LRRC53: variants seen among roughly 807,000 people sequenced by gnomAD.
LRRC53 encodes the protein leucine-rich repeat-containing protein 53.
LRRC53 carries 25 observed loss-of-function variants against 13.6 expected under a neutral mutation model. The observed-to-expected ratio is 1.83, with a 90% CI of 1.34 to 2.56. The LOEUF is 2.56. LRRC53 is among the 30% of genes most tolerant of loss of function. The pLI is 0.00. For missense variants in LRRC53, 527 were observed against 275.8 expected, an observed-to-expected ratio of 1.91 and a Z score of -6.45; for synonymous variants, 204 against 109.8, an observed-to-expected ratio of 1.86 and a Z score of -5.37.
At chr1:74,496,650 A>T (rs1001289744) in intron 1 of LRRC53, among the ~76,000 whole-genome samples, 9 of 152,086 alleles carry the variant, frequency 5.9e-5, no homozygotes, top group African/African-American at 1.9e-4. Context: ...GAGGTGCAAA[A>T]TTGTGTCAGA....
At chr1:74,518,887 T>C in the LRRC53 span, among the ~76,000 whole-genome samples, 1 of 119,228 alleles carries the variant, frequency 8.4e-6, no homozygotes, top group Non-Finnish European at 1.6e-5. Context: ...TTTTTTTTTT[T>C]TTTTTTTATT....
chr1:74,517,202 A>AT (rs561665944), upstream of LRRC53, among the ~76,000 whole-genome samples: 463 of 152,138 alleles, frequency 3.0e-3, 5 homozygotes, highest in South Asian at 0.012. Flanking sequence ...TTAAAAAAAA[A>AT]GGTTAATAAC....
intron 1 of LRRC53, among the ~76,000 whole-genome samples, chr1:74,486,826 G>T (rs757872418): frequency 3.3e-5 from 5 of 152,014 alleles, no homozygotes; most frequent in African/African-American, 4.8e-5. Flanking sequence ...TAAGAAAATG[G>T]TGTCCTCAAA....
intron 1 of LRRC53, among the ~76,000 whole-genome samples, chr1:74,506,082 C>T (rs901548678): frequency 6.6e-6 from 1 of 152,082 alleles, no homozygotes; most frequent in East Asian, 1.9e-4. Context: ...TAACACAGCC[C>T]GGGTCCTAGG....
At chr1:74,526,798 A>G in the LRRC53 span, among the ~76,000 whole-genome samples, 1 of 152,200 alleles carries the variant, frequency 6.6e-6, no homozygotes, top group Non-Finnish European at 1.5e-5. Flanking sequence ...AGCAACACGT[A>G]TAGGACTTAT....
chr1:74,479,287 A>G (rs376365667), intron 3 of LRRC53, among the ~76,000 whole-genome samples: 3 of 152,214 alleles, frequency 2.0e-5, no homozygotes, highest in African/African-American at 7.2e-5. Flanking sequence ...TTGGTCTTCA[A>G]CTAATGACAC....
At chr1:74,521,056 T>C in the LRRC53 span, among the ~76,000 whole-genome samples, 2 of 152,196 alleles carry the variant, frequency 1.3e-5, no homozygotes, top group East Asian at 3.9e-4. Context: ...CAGAGTGTTC[T>C]TACAGCTATT....
chr1:74,522,773 T>C, the LRRC53 span, among the ~76,000 whole-genome samples: 2 of 152,156 alleles, frequency 1.3e-5, no homozygotes, highest in Admixed American at 1.3e-4. Flanking sequence ...AACTGGTGTA[T>C]TTCTTAGGTT....
the LRRC53 span, among the ~76,000 whole-genome samples, chr1:74,531,959 G>C: frequency 2.0e-5 from 3 of 152,176 alleles, no homozygotes; most frequent in Admixed American, 6.6e-5. Context: ...ATCATCCAGA[G>C]TACAGGTAGC....
intron 1 of LRRC53, among the ~76,000 whole-genome samples, chr1:74,497,416 A>G (rs1293501535): frequency 6.6e-6 from 1 of 151,800 alleles, no homozygotes; most frequent in East Asian, 1.9e-4. Flanking sequence ...TCCTCTCTCC[A>G]TCCCTAACTT....
At chr1:74,497,029 T>A (rs994082523) in intron 1 of LRRC53, among the ~76,000 whole-genome samples, 3 of 152,212 alleles carry the variant, frequency 2.0e-5, no homozygotes, top group African/African-American at 7.2e-5. Context: ...ACATTTGGGA[T>A]TAATTTTTCA....
chr1:74,535,756 A>T, the LRRC53 span, among the ~76,000 whole-genome samples: 5 of 152,190 alleles, frequency 3.3e-5, no homozygotes. Context: ...AATGTCATCT[A>T]TATGAAATAC....
intron 1 of LRRC53, among the ~76,000 whole-genome samples, chr1:74,495,145 C>CCAGA (rs1214502610): frequency 5.9e-5 from 9 of 152,230 alleles, no homozygotes; most frequent in Admixed American, 3.9e-4. Context: ...TGTTATGGAA[C>CCAGA]TCTGATAAGG....
Position 74,475,757 on chromosome 1 carries a change from G to T in LRRC53, c.958C>A (p.Gln320Lys). The T allele has an allele frequency of 1.6e-6, 1 of 644,720 alleles. No individual in the cohort carries two copies. The highest frequency in any genetic ancestry group is 1.8e-5 in the African/African-American group (1 of 54,588). The allele number at this position is 644,720 out of a possible 1,614,324, so 39.9% of individuals were successfully genotyped here. A position where few individuals can be genotyped will look rare whatever the true frequency, so the allele number is the denominator to read the frequency against. The stretch of plus-strand genomic sequence containing the variant: ...GATGTGTGTTCATTTGCTTTGCCTT[G>T]GTGGAGTTTCCAGTTAAATACAACT... Reference protein sequence around the residue: ...GLVVFNWKLHQGKANEHTSEN... With the variant: ...GLVVFNWKLHKGKANEHTSEN... The change falls in exon 4 of 5, where the codon CAA becomes AAA. Residue 320 changes from glutamine to lysine, a missense_variant. Gln to Lys is a moderately conservative substitution (Grantham distance 53). Coordinates refer to ENST00000294635, the MANE Select transcript of LRRC53 (RefSeq NM_001382280.1).
At chr1:74,489,543 C>T (rs1484052534) in intron 1 of LRRC53, among the ~76,000 whole-genome samples, 6 of 152,124 alleles carry the variant, frequency 3.9e-5, no homozygotes, top group Non-Finnish European at 7.4e-5. Context: ...ATAACAAATA[C>T]ATTAGAAGGT....
upstream of LRRC53, among the ~76,000 whole-genome samples, chr1:74,514,214 A>C (rs1646312665): frequency 6.6e-6 from 1 of 152,218 alleles, no homozygotes; most frequent in Non-Finnish European, 1.5e-5. Flanking sequence ...ATCAAGTATA[A>C]GATACGGTCT....
At chr1:74,525,000 T>C in the LRRC53 span, among the ~76,000 whole-genome samples, 2 of 152,186 alleles carry the variant, frequency 1.3e-5, no homozygotes, top group Non-Finnish European at 1.5e-5. Context: ...TTCAATTATA[T>C]AGTAAGTATT....
the LRRC53 span, among the ~76,000 whole-genome samples, chr1:74,525,641 G>A: frequency 6.6e-6 from 1 of 152,234 alleles, no homozygotes; most frequent in African/African-American, 2.4e-5. Context: ...GTCTGAAGGA[G>A]TGTGCTTCTG....
At chr1:74,485,204 G>T (rs1446184445) in intron 1 of LRRC53, among the ~76,000 whole-genome samples, 1 of 152,190 alleles carries the variant, frequency 6.6e-6, no homozygotes, top group Non-Finnish European at 1.5e-5. Flanking sequence ...TAACTTGGAT[G>T]CTTTAAGAAG....
Sources: allele counts gnomAD v4.1 joint callset (sites outside exome capture counted in the v4.1 genomes callset), GRCh38; gene constraint gnomAD v4.1.1; transcripts MANE v1.5; gene names NCBI Gene and HGNC (gene_info 2026-07-23, HGNC 2026-07-21).